The following CAT variants were observed in gnomAD, a reference collection of about 807,000 sequenced individuals.
CAT encodes the protein epididymis secretory sperm binding protein.
CAT carries 43 observed loss-of-function variants against 59.0 expected under a neutral mutation model. That is an observed-to-expected ratio of 0.73 (90% CI 0.57 to 0.94). The LOEUF is 0.94. Ranked by LOEUF, CAT falls within the 40% of genes least tolerant of loss-of-function variation. The probability of loss-of-function intolerance (pLI) is 0.00; values close to 1 mark genes in which losing one functional copy is unlikely to be tolerated. For synonymous variants in CAT, 218 were observed against 230.9 expected, an observed-to-expected ratio of 0.94 and a Z score of 0.51; for missense variants, 664 against 682.9, an observed-to-expected ratio of 0.97 and a Z score of 0.31.
chr11:34,454,509 G>C (rs529740077), intron 6 of CAT, among the ~76,000 whole-genome samples: 1 of 152,294 alleles, frequency 6.6e-6, no homozygotes, highest in South Asian at 2.1e-4. Context: ...TCCAAATACT[G>C]CTGCTAAGAT....
At chr11:34,449,424 T>C (rs1856496824) in intron 2 of CAT, 61 bp downstream of exon 2, 1 of 1,466,290 alleles carries the variant, frequency 6.8e-7, no homozygotes, top group Non-Finnish European at 9.5e-7. Flanking sequence ...TCAAGTGTTA[T>C]TTCCCAAAGG....
intron 1 of CAT, among the ~76,000 whole-genome samples, chr11:34,447,546 A>G (rs1856472734): frequency 6.6e-6 from 1 of 152,154 alleles, no homozygotes; most frequent in Non-Finnish European, 1.5e-5. Context: ...CTGGGTGGTA[A>G]GTGTTGATTG....
chr11:34,467,258 T>TA (rs1406866975), intron 10 of CAT, among the ~76,000 whole-genome samples: 5 of 152,210 alleles, frequency 3.3e-5, no homozygotes, highest in Non-Finnish European at 2.9e-5. Flanking sequence ...AGTCAACAGA[T>TA]ATAGTGACCC....
Position 34,451,207 on chromosome 11 carries a change from C to T in CAT, c.349+109C>T, listed in dbSNP as rs995195246. On this transcript the variant is annotated intron_variant, in intron 3 of 12. Coordinates refer to ENST00000241052, the MANE Select transcript of CAT (RefSeq NM_001752.4). ...TAGAAAATAGGAAGCAAGCACTTCT[C>T]CAAATTATGTCAAGGTTTTACAGTA... 17 of 769,578 alleles carry T rather than the reference C, an allele frequency of 2.2e-5. 1 individual carries two copies. The Admixed American group carries it at 3.1e-4, about 14-fold the overall frequency. 47.7% of individuals were successfully genotyped at this position (769,578 alleles called of 1,614,324 possible). A position where few individuals can be genotyped will look rare whatever the true frequency, so the allele number is the denominator to read the frequency against.
rs183946529 is a variant in CAT at position 34,469,339 on chromosome 11, T to A, written c.1434+944T>A. Among the ~76,000 whole-genome samples, 268 of 152,272 alleles carry A rather than the reference T, an allele frequency of 1.8e-3. 1 individual carries two copies. The highest frequency in any genetic ancestry group is 2.4e-3 in the Non-Finnish European group (166 of 68,012). On this transcript the variant is annotated intron_variant, in intron 11 of 12. Transcript: ENST00000241052. Reference sequence around the variant, plus strand: ...ATCTCCTTTTACTGGAGAGAATGGATACGACAGCTTGTAAATAGCAGAACT... The same window carrying A: ...ATCTCCTTTTACTGGAGAGAATGGAAACGACAGCTTGTAAATAGCAGAACT...
At chr11:34,470,641 A>G (rs915033114) in intron 11 of CAT, 1 of 377,460 alleles carries the variant, frequency 2.6e-6, no homozygotes, top group Admixed American at 3.7e-5. Flanking sequence ...GATCTGTGTC[A>G]GGAATGGGGG....
chr11:34,457,827 C>A (rs1024312427), intron 8 of CAT, among the ~76,000 whole-genome samples: 1 of 152,194 alleles, frequency 6.6e-6, no homozygotes, highest in East Asian at 1.9e-4. Flanking sequence ...CAGACCACAG[C>A]GACTGAAGGT....
At chr11:34,464,313 C>T (rs973049240) in intron 10 of CAT, 78 bp downstream of exon 10, 11 of 1,345,342 alleles carry the variant, frequency 8.2e-6, no homozygotes, top group Non-Finnish European at 1.1e-5. Context: ...CCCCTCCCTG[C>T]AAATGCCCCA....
intron 1 of CAT, 42 bp downstream of exon 1, chr11:34,439,121 G>C: frequency 6.5e-7 from 1 of 1,541,324 alleles, no homozygotes; most frequent in Non-Finnish European, 8.8e-7. Flanking sequence ...GGTCCGTTTA[G>C]AAAGCGGGGG....
chr11:34,439,168 C>T (rs1237196594), intron 1 of CAT, 89 bp downstream of exon 1: 72 of 1,218,036 alleles, frequency 5.9e-5, no homozygotes, highest in Non-Finnish European at 7.3e-5. Context: ...CCCGGGGCGG[C>T]GCTTGGAGGG....
chr11:34,471,648 A>T lies in CAT; in HGVS notation c.*215A>T, dbSNP rs770371806. ...GATTTAACAGTCATTTAAAAAAAAA[A>T]TTTGTTTTGACGGATGATTGGATTA... is the stretch of plus-strand genomic sequence containing the variant. On this transcript the variant is annotated 3_prime_UTR_variant, in exon 13 of 13. Coordinates refer to ENST00000241052, the MANE Select transcript of CAT (RefSeq NM_001752.4). 16 of 560,046 alleles carry T rather than the reference A, an allele frequency of 2.9e-5. No individual in the cohort carries two copies. Among genetic ancestry groups the T allele is most frequent in the Non-Finnish European group, 4.8e-5 (15 of 312,594 alleles). 34.7% of individuals were successfully genotyped at this position (560,046 alleles called of 1,614,324 possible).
intron 1 of CAT, among the ~76,000 whole-genome samples, chr11:34,439,381 C>T (rs1856358773): frequency 6.6e-6 from 1 of 152,050 alleles, no homozygotes; most frequent in South Asian, 2.1e-4. Context: ...AGATTGAGGG[C>T]TCATGGGGAA....
chr11:34,447,143 T>G (rs1208556675), intron 1 of CAT, among the ~76,000 whole-genome samples: 1 of 152,210 alleles, frequency 6.6e-6, no homozygotes, highest in African/African-American at 2.4e-5. Context: ...TCTGGCTCTC[T>G]AATTATTTTA....
intron 1 of CAT, among the ~76,000 whole-genome samples, chr11:34,447,207 C>T (rs1285499264): frequency 6.6e-6 from 1 of 152,120 alleles, no homozygotes; most frequent in Non-Finnish European, 1.5e-5. Context: ...CTAGCTTGAA[C>T]AGGAGTCATT....
At chr11:34,452,621 A>G (rs926260528) in intron 4 of CAT, among the ~76,000 whole-genome samples, 5 of 152,134 alleles carry the variant, frequency 3.3e-5, no homozygotes, top group African/African-American at 9.7e-5. Flanking sequence ...TGGGAGGCCA[A>G]GGCAGGCAGA....
intron 1 of CAT, among the ~76,000 whole-genome samples, chr11:34,445,784 T>A (rs1856446612): frequency 6.6e-6 from 1 of 152,176 alleles, no homozygotes; most frequent in South Asian, 2.1e-4. Flanking sequence ...AGTTATTCAT[T>A]GAGTTAAAAA....
At chr11:34,453,228 C>T in intron 5 of CAT, 34 bp downstream of exon 5, 3 of 1,232,228 alleles carry the variant, frequency 2.4e-6, no homozygotes, top group East Asian at 2.3e-5. Flanking sequence ...TATTATATCA[C>T]CTGGGATGCA....
intron 11 of CAT, among the ~76,000 whole-genome samples, chr11:34,468,788 T>A (rs1228936745): frequency 6.6e-6 from 1 of 152,226 alleles, no homozygotes; most frequent in Non-Finnish European, 1.5e-5. Flanking sequence ...GGCATGCACC[T>A]GTAGTCCTAG....
At position 34,464,339 on chromosome 11, in the gene CAT, T is replaced by C. The variant is rs945971158; in HGVS notation, c.1326+104T>C. On this transcript the variant is annotated intron_variant, in intron 10 of 12. Coordinates refer to ENST00000241052, the MANE Select transcript of CAT (RefSeq NM_001752.4). ...AAATGCCCCAACTGTCTGATGTATC[T>C]TAAATTGAATTCAAGGAAGACTCAT... 2.6e-6 allele frequency: 3 copies of C among 1,164,294 alleles called. No homozygotes were observed. In the African/African-American group the frequency reaches 4.5e-5, roughly 18 times the overall value. The allele number at this position is 1,164,294 out of a possible 1,614,324, so 72.1% of individuals were successfully genotyped here.
Sources: gnomAD v4.1 joint callset for allele counts (sites outside exome capture counted in the v4.1 genomes callset) on GRCh38, gnomAD v4.1.1 for gene constraint, MANE v1.5 for transcripts, NCBI Gene and HGNC (gene_info 2026-07-23, HGNC 2026-07-21) for gene names.